RIMBP2: variants seen among roughly 807,000 people sequenced by gnomAD.
RIMBP2 encodes the protein RIMS binding protein 2.
A neutral mutation model predicts 118.6 loss-of-function variants in RIMBP2; 48 were observed. The observed-to-expected ratio is 0.40, with a 90% CI of 0.32 to 0.51. The LOEUF is 0.51. Ranked by LOEUF, RIMBP2 falls within the 20% of genes least tolerant of loss-of-function variation. The probability of loss-of-function intolerance (pLI) is 0.41; values close to 1 mark genes in which losing one functional copy is unlikely to be tolerated. For missense variants in RIMBP2, 1,551 were observed against 1,768.3 expected (o/e 0.88, Z 2.20); for synonymous variants, 762 against 742.9 (o/e 1.03, Z -0.42).
At chr12:130,426,099 G>A (rs1266766963) in intron 15 of RIMBP2, 1 of 152,336 alleles carries the variant, frequency 6.6e-6, no homozygotes, top group Non-Finnish European at 1.5e-5. Context: ...TTCCAAGGCA[G>A]GCGGGAATGA....
At chr12:130,631,789 GAA>G (rs370018521) in intron 1 of RIMBP2, among the ~76,000 whole-genome samples, 137 of 152,188 alleles carry the variant, frequency 9.0e-4, no homozygotes, top group African/African-American at 3.2e-3. Flanking sequence ...GGTATGGAAA[GAA>G]GAGACAGCAC....
chr12:130,666,649 G>A (rs1372027862), intron 1 of RIMBP2, among the ~76,000 whole-genome samples: 2 of 151,788 alleles, frequency 1.3e-5, no homozygotes, highest in African/African-American at 4.8e-5. Context: ...ACCAAAGGAA[G>A]GGAGGGAGGG....
At chr12:130,398,992 G>T in intron 22 of RIMBP2, 1 of 434,860 alleles carries the variant, frequency 2.3e-6, no homozygotes, top group South Asian at 7.1e-5. Flanking sequence ...AGTTTTTTGA[G>T]ACATATTTCT....
chr12:130,467,727 C>A (rs966063210), intron 6 of RIMBP2, among the ~76,000 whole-genome samples: 6 of 152,206 alleles, frequency 3.9e-5, no homozygotes, highest in African/African-American at 1.4e-4. Flanking sequence ...CAAGTTGTCT[C>A]ACCTTTCCAG....
At position 130,442,740 on chromosome 12, in the gene RIMBP2, C is replaced by T. The variant is rs2078232724; in HGVS notation, c.692-80G>A. On this transcript the variant is annotated intron_variant, in intron 10 of 22. Coordinates refer to ENST00000690449, the MANE Select transcript of RIMBP2 (RefSeq NM_001393629.1). The surrounding 1 kb of genome is among the most constrained non-coding windows in gnomAD (Gnocchi z 6.9). ...GCCCCCAGTGTACTCCCACCTCCCC[C>T]ACCAGGACCATAAGGCAGAGCAACA... 1.6e-6 allele frequency: 2 copies of T among 1,214,540 alleles called. No homozygotes were observed. The highest frequency in any genetic ancestry group is 2.2e-5 in the Admixed American group (1 of 44,632). 75.2% of individuals were successfully genotyped at this position (1,214,540 alleles called of 1,614,324 possible). A position where few individuals can be genotyped will look rare whatever the true frequency, so the allele number is the denominator to read the frequency against.
chr12:130,485,645 T>C (rs1033329098), intron 4 of RIMBP2, among the ~76,000 whole-genome samples: 1 of 152,222 alleles, frequency 6.6e-6, no homozygotes, highest in African/African-American at 2.4e-5. Flanking sequence ...CATCTTTATT[T>C]AGTTCTGGGA....
At chr12:130,410,601 A>G (rs925818678) in intron 19 of RIMBP2, among the ~76,000 whole-genome samples, 3 of 152,222 alleles carry the variant, frequency 2.0e-5, no homozygotes, top group Non-Finnish European at 2.9e-5. Context: ...GTCAGCACCA[A>G]TGATTGAAAA....
At chr12:130,697,352 C>T (rs2136716232) in intron 1 of RIMBP2, among the ~76,000 whole-genome samples, 1 of 152,252 alleles carries the variant, frequency 6.6e-6, no homozygotes, top group South Asian at 2.1e-4. Context: ...CAAGACCCCT[C>T]TCTACAAAAT....
At chr12:130,557,188 G>A (rs1019738887) in intron 2 of RIMBP2, among the ~76,000 whole-genome samples, 5 of 152,092 alleles carry the variant, frequency 3.3e-5, no homozygotes, top group Non-Finnish European at 1.5e-5. Context: ...GGGCAAAGAA[G>A]GGTAAAGCAC....
intron 2 of RIMBP2, among the ~76,000 whole-genome samples, chr12:130,528,600 A>G (rs539336591): frequency 2.6e-5 from 4 of 152,358 alleles, no homozygotes; most frequent in East Asian, 3.9e-4. Flanking sequence ...CATGTACCCC[A>G]TAACTTAAAA....
At chr12:130,454,395 G>C (rs1421206942) in intron 7 of RIMBP2, among the ~76,000 whole-genome samples, 2 of 152,272 alleles carry the variant, frequency 1.3e-5, no homozygotes, top group Non-Finnish European at 2.9e-5. Flanking sequence ...GGCCTGCGCT[G>C]TCTGCAGGGA....
Position 130,491,223 on chromosome 12 carries a change from G to A in RIMBP2, c.-3-12207C>T, listed in dbSNP as rs1178270363. ...CGGCACAACAACGCTTGAAGCAGGT[G>A]ATATTTTTATTCCCATTTACAGAGA... On this transcript the variant is annotated intron_variant, in intron 4 of 22. Transcript: ENST00000690449. Among the ~76,000 whole-genome samples, 5 of 152,318 alleles carry A rather than the reference G, an allele frequency of 3.3e-5. No individual in the cohort carries two copies. The East Asian group carries it at 9.6e-4, about 29-fold the overall frequency.
intron 2 of RIMBP2, among the ~76,000 whole-genome samples, chr12:130,535,146 G>C (rs1167427488): frequency 1.3e-5 from 2 of 152,062 alleles, no homozygotes; most frequent in Non-Finnish European, 2.9e-5. Flanking sequence ...TTCCCCCTTA[G>C]TGAGCAGCTG....
intron 1 of RIMBP2, among the ~76,000 whole-genome samples, chr12:130,631,681 C>A (rs73159107): frequency 0.013 from 1,794 of 135,244 alleles, 22 homozygotes; most frequent in African/African-American, 0.042. Flanking sequence ...ACTGGTAAGT[C>A]AAAAAAAAAA....
Position 130,576,189 on chromosome 12 carries a change from T to G in RIMBP2, c.-217+52133A>C, listed in dbSNP as rs1259171773. ...GTAGGCCACGGTAGGAACCTTGCTT[T>G]GTATCCTGAGCATGAGAAGACGTCT... On this transcript the variant is annotated intron_variant, in intron 2 of 22. Coordinates refer to ENST00000690449, the MANE Select transcript of RIMBP2 (RefSeq NM_001393629.1). The surrounding 1 kb of genome is among the most constrained non-coding windows in gnomAD (Gnocchi z 4.2). 6.6e-6 allele frequency among the ~76,000 whole-genome samples: 1 copy of G among 152,150 alleles called. No individual in the cohort carries two copies. The highest frequency in any genetic ancestry group is 2.4e-5 in the African/African-American group (1 of 41,442).
At chr12:130,500,126 ACTTGGCAGCC>A (rs2049597720) in intron 4 of RIMBP2, among the ~76,000 whole-genome samples, 1 of 152,198 alleles carries the variant, frequency 6.6e-6, no homozygotes, top group Admixed American at 6.5e-5. Context: ...AGTGAAAATT[ACTTGGCAGCC>A]CCCATAATAC....
chr12:130,529,412 A>G (rs2053146351), intron 2 of RIMBP2, among the ~76,000 whole-genome samples: 1 of 152,206 alleles, frequency 6.6e-6, no homozygotes, highest in Non-Finnish European at 1.5e-5. Flanking sequence ...TATTCAAGAT[A>G]GGCAAATCTG....
At chr12:130,412,097 T>G (rs1273915069) in intron 19 of RIMBP2, among the ~76,000 whole-genome samples, 1 of 152,110 alleles carries the variant, frequency 6.6e-6, no homozygotes, top group Non-Finnish European at 1.5e-5. Context: ...GCTTAAAAAA[T>G]CACTGAAAAT....
chr12:130,416,063 A>G (rs1323485978), intron 17 of RIMBP2, among the ~76,000 whole-genome samples: 1 of 152,226 alleles, frequency 6.6e-6, no homozygotes, highest in Non-Finnish European at 1.5e-5. Context: ...GAACGACAGA[A>G]CACTGCTGAG....
Sources: gnomAD v4.1 joint callset for allele counts (sites outside exome capture counted in the v4.1 genomes callset) on GRCh38, gnomAD v4.1.1 for gene constraint, Gnocchi (gnomAD v3.1) non-coding constraint, MANE v1.5 for transcripts, NCBI Gene and HGNC (gene_info 2026-07-23, HGNC 2026-07-21) for gene names.